The following HERC1 variants were observed in gnomAD, a reference collection of about 807,000 sequenced individuals.
The protein encoded by HERC1 is HECT and RLD domain containing E3 ubiquitin protein ligase family member 1.
HERC1 carries 160 observed loss-of-function variants against 554.3 expected under a neutral mutation model. The ratio of observed to expected loss-of-function variants is 0.29; its 90% CI spans 0.25 to 0.33. HERC1 has a LOEUF of 0.33. Ranked by LOEUF, HERC1 falls within the 10% of genes least tolerant of loss-of-function variation. The pLI is 1.00. For missense variants in HERC1, 4,919 were observed against 5,918.5 expected, an observed-to-expected ratio of 0.83 and a Z score of 5.54; for synonymous variants, 2,175 against 2,131.7, an observed-to-expected ratio of 1.02 and a Z score of -0.56.
At chr15:63,683,465 G>A (rs2071588152) in intron 34 of HERC1, among the ~76,000 whole-genome samples, 1 of 152,180 alleles carries the variant, frequency 6.6e-6, no homozygotes, top group Admixed American at 6.5e-5. Flanking sequence ...AAAACATTCA[G>A]TGGCTAACGA....
intron 54 of HERC1, among the ~76,000 whole-genome samples, chr15:63,648,478 C>T (rs2152875013): frequency 6.6e-6 from 1 of 152,270 alleles, no homozygotes; most frequent in Middle Eastern, 3.4e-3. Flanking sequence ...AATTAAATTC[C>T]TTTGCTGATT....
At chr15:63,770,925 A>G (rs2075933044) in intron 2 of HERC1, among the ~76,000 whole-genome samples, 1 of 152,206 alleles carries the variant, frequency 6.6e-6, no homozygotes, top group South Asian at 2.1e-4. Context: ...ACGGTGGCTC[A>G]CGCCTGTAAT....
intron 2 of HERC1, among the ~76,000 whole-genome samples, chr15:63,772,419 C>A (rs981119301): frequency 2.5e-4 from 38 of 151,380 alleles, no homozygotes; most frequent in Non-Finnish European, 1.2e-4. Context: ...AAAGGTAATG[C>A]AAAATAAATA....
In HERC1 at chr15:63,623,722, T is replaced by C; in HGVS notation, c.13611+3A>G. On this transcript the variant is annotated splice_donor_region_variant and intron_variant, in intron 73 of 77. Transcript: ENST00000443617. ...CTCAGCAGGGGACACTGCAGGAATA[T>C]ACCTGGCACATCTCTGTGATGGTGT... 1 of 1,613,574 alleles carries C rather than the reference T, an allele frequency of 6.2e-7. No homozygotes were observed. The highest frequency in any genetic ancestry group is 8.5e-7 in the Non-Finnish European group (1 of 1,179,664).
chr15:63,644,292 G>A (rs1412902837), intron 57 of HERC1, among the ~76,000 whole-genome samples: 2 of 152,284 alleles, frequency 1.3e-5, no homozygotes, highest in East Asian at 1.9e-4. Context: ...TGTACAAACT[G>A]GTAGCTCAGA....
At chr15:63,744,333 G>A (rs933517837) in intron 12 of HERC1, among the ~76,000 whole-genome samples, 1 of 152,072 alleles carries the variant, frequency 6.6e-6, no homozygotes, top group Non-Finnish European at 1.5e-5. Flanking sequence ...CAAGCTTGCC[G>A]TAACCACTCC....
At chr15:63,695,239 A>G (rs577087531) in intron 27 of HERC1, among the ~76,000 whole-genome samples, 1 of 151,848 alleles carries the variant, frequency 6.6e-6, no homozygotes, top group South Asian at 2.1e-4. Context: ...GTTTCGCCAT[A>G]TTGTCCAGGC....
intron 1 of HERC1, among the ~76,000 whole-genome samples, chr15:63,825,883 C>G (rs919205691): frequency 2.6e-4 from 39 of 152,140 alleles, no homozygotes; most frequent in Admixed American, 2.1e-3. Flanking sequence ...CTGCCTCAGC[C>G]TCCCGAGTAG....
intron 48 of HERC1, among the ~76,000 whole-genome samples, chr15:63,657,315 C>G (rs2070100118): frequency 7.0e-6 from 1 of 143,520 alleles, no homozygotes; most frequent in Non-Finnish European, 1.5e-5. Context: ...AGGCTGGTCT[C>G]AAACTCCTGG....
At chr15:63,652,626 T>C (rs886909341) in intron 51 of HERC1, 85 bp from the exon 52 acceptor site, 8 of 1,135,088 alleles carry the variant, frequency 7.0e-6, no homozygotes, top group African/African-American at 3.2e-5. Context: ...TTTTTAAAAA[T>C]CTACCATGAA....
Position 63,609,146 on chromosome 15 carries a change from C to T in HERC1, c.14521G>A (p.Asp4841Asn), listed in dbSNP as rs2067482654. ...RYAINNCRSI[D>N]MDNYMLSRNV... The stretch of plus-strand genomic sequence containing the variant: ...CTCGAGAGCATGTAGTTGTCCATGT[C>T]GATTGAGCGGCAGTTGTTGATGGCA... The change falls in exon 78 of 78, where the codon GAC (aspartate) becomes AAC (asparagine). Residue 4841 changes from aspartate to asparagine, a missense_variant. Asp to Asn is a conservative substitution (Grantham distance 23). Transcript: ENST00000443617. The T allele has an allele frequency of 1.2e-6, 2 of 1,613,814 alleles. No homozygotes were observed. The highest frequency in any genetic ancestry group is 1.7e-6 in the Non-Finnish European group (2 of 1,179,874).
Position 63,720,103 on chromosome 15 carries a change from C to CTTTTTTTTT in HERC1, c.3743-1215_3743-1207dup, listed in dbSNP as rs573648232. On this transcript the variant is annotated intron_variant, in intron 19 of 77. Coordinates refer to ENST00000443617, the MANE Select transcript of HERC1 (RefSeq NM_003922.4). Reference sequence around the variant, plus strand: ...GGACTAGTCAGGTGCTTTTTCTTCCCTTTTTTTTTTTTTTTAAGAGACAGG... The same window carrying CTTTTTTTTT: ...GGACTAGTCAGGTGCTTTTTCTTCCCTTTTTTTTTTTTTTTTTTTTTTTTAAGAGACAGG... Among the ~76,000 whole-genome samples, 50 of 71,590 alleles carry CTTTTTTTTT rather than the reference C, an allele frequency of 7.0e-4. 14 individuals are homozygous for CTTTTTTTTT. Among genetic ancestry groups the CTTTTTTTTT allele is most frequent in the Admixed American group, 1.7e-3 (10 of 5,816 alleles). The allele number at this position is 71,590 out of a possible 152,430, so 47.0% of individuals were successfully genotyped here. A position where few individuals can be genotyped will look rare whatever the true frequency, so the allele number is the denominator to read the frequency against.
intron 55 of HERC1, 137 bp downstream of exon 55, chr15:63,647,932 A>G (rs1399251639): frequency 2.9e-6 from 2 of 699,200 alleles, no homozygotes; most frequent in Non-Finnish European, 4.8e-6. Context: ...ATTATGAGAG[A>G]TTACTTGATG....
intron 1 of HERC1, among the ~76,000 whole-genome samples, chr15:63,821,215 A>T (rs1008700679): frequency 6.6e-6 from 1 of 152,064 alleles, no homozygotes; most frequent in Non-Finnish European, 1.5e-5. Context: ...TGAACCCAGG[A>T]GTTTGAGACC....
intron 1 of HERC1, among the ~76,000 whole-genome samples, chr15:63,828,380 C>A (rs2078013937): frequency 6.6e-6 from 1 of 151,850 alleles, no homozygotes; most frequent in Non-Finnish European, 1.5e-5. Flanking sequence ...GCTCTTGTTG[C>A]CCAGGCTGCA....
intron 76 of HERC1, among the ~76,000 whole-genome samples, chr15:63,614,326 T>G (rs1459724251): frequency 6.6e-6 from 1 of 152,172 alleles, no homozygotes; most frequent in South Asian, 2.1e-4. Context: ...CTGGCAATCC[T>G]TACCTCACAG....
chr15:63,612,661 C>T lies in HERC1; in HGVS notation c.14095-105G>A. On this transcript the variant is annotated intron_variant, in intron 76 of 77. Transcript: ENST00000443617. The surrounding 1 kb of genome is among the most constrained non-coding windows in gnomAD (Gnocchi z 5.0). The stretch of plus-strand genomic sequence containing the variant: ...TCCTGATGCCTGCTCGTCCGCTCCC[C>T]AGACCCTCTACTTGTTTCTCAGACC... The T allele has an allele frequency of 9.3e-7, 1 of 1,076,504 alleles. No homozygotes were observed. Among genetic ancestry groups the T allele is most frequent in the Non-Finnish European group, 1.3e-6 (1 of 758,392 alleles). The allele number at this position is 1,076,504 out of a possible 1,614,324, so 66.7% of individuals were successfully genotyped here. A position where few individuals can be genotyped will look rare whatever the true frequency, so the allele number is the denominator to read the frequency against.
At chr15:63,825,247 G>A (rs570083535) in intron 1 of HERC1, among the ~76,000 whole-genome samples, 6 of 152,232 alleles carry the variant, frequency 3.9e-5, no homozygotes, top group East Asian at 1.9e-4. Flanking sequence ...TACAGTGAAC[G>A]CAGATCATGC....
intron 24 of HERC1, among the ~76,000 whole-genome samples, chr15:63,707,459 C>G (rs1217628054): frequency 1.3e-5 from 2 of 152,156 alleles, no homozygotes; most frequent in Non-Finnish European, 2.9e-5. Flanking sequence ...CTGTGTGTTA[C>G]CTGTGTATCT....
Sources: allele counts gnomAD v4.1 joint callset (sites outside exome capture counted in the v4.1 genomes callset), GRCh38; gene constraint gnomAD v4.1.1; non-coding constraint Gnocchi (gnomAD v3.1); transcripts MANE v1.5; gene names NCBI Gene and HGNC (gene_info 2026-07-23, HGNC 2026-07-21).